Variants in KCNIP4 observed in about 807,000 individuals in gnomAD.
The protein encoded by KCNIP4 is Kv channel-interacting protein 4.
A neutral mutation model predicts 34.0 loss-of-function variants in KCNIP4; 12 were observed. That is an observed-to-expected ratio of 0.35 (90% CI 0.23 to 0.57). The LOEUF (loss-of-function observed/expected upper bound fraction) is 0.57. KCNIP4 is among the 20% of genes least tolerant of loss of function. The pLI, the probability that KCNIP4 is intolerant of heterozygous loss-of-function variation, is 0.83. For missense variants in KCNIP4, 238 were observed against 311.7 expected (o/e 0.76, Z 1.78); for synonymous variants, 124 against 102.2 (o/e 1.21, Z -1.29).
intron 1 of KCNIP4, among the ~76,000 whole-genome samples, chr4:21,590,525 T>C (rs1742114445): frequency 6.6e-6 from 1 of 151,460 alleles, no homozygotes; most frequent in Non-Finnish European, 1.5e-5. Context: ...AGGAATCTCA[T>C]ATAAAGAAAG....
rs1197090650 is a variant in KCNIP4 at position 21,342,967 on chromosome 4, G to A, written c.62-460258C>T. Among the ~76,000 whole-genome samples the A allele has an allele frequency of 2.0e-5, 3 of 151,858 alleles. No homozygotes were observed. In the East Asian group the frequency reaches 5.8e-4, roughly 29 times the overall value. ...TATCATGTGTTTTGAATAAAAAACT[G>A]TTCATTTTTTTTTCTGAGCCTTGAG... On this transcript the variant is annotated intron_variant, in intron 1 of 8. Coordinates refer to ENST00000382152, the MANE Select transcript of KCNIP4 (RefSeq NM_025221.6).
chr4:21,643,296 A>T (rs1746749601), intron 1 of KCNIP4, among the ~76,000 whole-genome samples: 1 of 152,194 alleles, frequency 6.6e-6, no homozygotes, highest in South Asian at 2.1e-4. Context: ...GGACATTGAG[A>T]AGAATAATCA....
intron 1 of KCNIP4, among the ~76,000 whole-genome samples, chr4:21,110,418 G>C (rs559685666): frequency 6.6e-6 from 1 of 152,294 alleles, no homozygotes; most frequent in Admixed American, 6.5e-5. Context: ...AAACTTAAAA[G>C]AAAAATACTG....
intron 1 of KCNIP4, among the ~76,000 whole-genome samples, chr4:21,191,116 G>A (rs1276115061): frequency 2.0e-5 from 3 of 152,108 alleles, no homozygotes; most frequent in Non-Finnish European, 2.9e-5. Flanking sequence ...AAGCAACAGG[G>A]TCCAAAAGAG....
At chr4:21,186,561 G>A (rs1195015292) in intron 1 of KCNIP4, among the ~76,000 whole-genome samples, 1 of 152,106 alleles carries the variant, frequency 6.6e-6, no homozygotes, top group Non-Finnish European at 1.5e-5. Context: ...ATTAAAGAAG[G>A]GTTAAGATAA....
intron 1 of KCNIP4, among the ~76,000 whole-genome samples, chr4:20,904,791 C>G (rs78224926): frequency 0.048 from 7,275 of 152,092 alleles, 397 homozygotes; most frequent in African/African-American, 0.13. Flanking sequence ...AATTTGATTT[C>G]CTTTCTGTCT....
At chr4:20,923,332 A>G (rs1256216728) in intron 1 of KCNIP4, among the ~76,000 whole-genome samples, 1 of 152,224 alleles carries the variant, frequency 6.6e-6, no homozygotes, top group East Asian at 1.9e-4. Context: ...AATGAACTCA[A>G]TTATTGTGTC....
chr4:21,213,883 A>C (rs1757392625), intron 1 of KCNIP4, among the ~76,000 whole-genome samples: 1 of 152,112 alleles, frequency 6.6e-6, no homozygotes, highest in Admixed American at 6.6e-5. Context: ...GCCTCAAAAA[A>C]TCCTTGATTT....
At chr4:21,697,082 T>G (rs1444207751) in intron 1 of KCNIP4, among the ~76,000 whole-genome samples, 3 of 151,926 alleles carry the variant, frequency 2.0e-5, no homozygotes, top group African/African-American at 7.2e-5. Flanking sequence ...ATCTTTCTAC[T>G]CTGCAGATAC....
chr4:21,887,325 C>T (rs1726833390), intron 1 of KCNIP4, among the ~76,000 whole-genome samples: 1 of 152,084 alleles, frequency 6.6e-6, no homozygotes, highest in South Asian at 2.1e-4. Context: ...TGGCCATATT[C>T]TGGTTGTATC....
chr4:21,016,836 T>C (rs549830906), intron 1 of KCNIP4, among the ~76,000 whole-genome samples: 1 of 152,266 alleles, frequency 6.6e-6, no homozygotes, highest in South Asian at 2.1e-4. Context: ...CAGCTATTTT[T>C]ACAAATGTAA....
chr4:21,769,626 T>C (rs1340825440), intron 1 of KCNIP4, among the ~76,000 whole-genome samples: 2 of 152,148 alleles, frequency 1.3e-5, no homozygotes, highest in East Asian at 3.9e-4. Context: ...GGCAGTTCAC[T>C]AAGTTGCCTG....
chr4:21,866,090 T>G (rs1578088079), intron 1 of KCNIP4, among the ~76,000 whole-genome samples: 1 of 152,168 alleles, frequency 6.6e-6, no homozygotes, highest in East Asian at 1.9e-4. Context: ...ACGGCTGCAC[T>G]GTGGATTTAA....
At chr4:21,510,078 C>CAAAAAAAAAAA (rs759477091) in intron 1 of KCNIP4, among the ~76,000 whole-genome samples, 2 of 65,222 alleles carry the variant, frequency 3.1e-5, no homozygotes, top group African/African-American at 6.1e-5. Context: ...ACTCCATCTC[C>CAAAAAAAAAAA]AAAAAAAAAA....
At chr4:20,796,811 C>T (rs926690124) in intron 3 of KCNIP4, among the ~76,000 whole-genome samples, 2 of 151,950 alleles carry the variant, frequency 1.3e-5, no homozygotes, top group African/African-American at 4.8e-5. Flanking sequence ...AAACAGATTC[C>T]ATCATAGGTT....
intron 1 of KCNIP4, among the ~76,000 whole-genome samples, chr4:20,966,446 T>C (rs1734355867): frequency 6.6e-6 from 1 of 152,120 alleles, no homozygotes; most frequent in South Asian, 2.1e-4. Flanking sequence ...TCACTTACCA[T>C]AGAGATTTAG....
At chr4:21,029,587 C>T (rs907694060) in intron 1 of KCNIP4, among the ~76,000 whole-genome samples, 1 of 152,140 alleles carries the variant, frequency 6.6e-6, no homozygotes, top group Middle Eastern at 3.2e-3. Flanking sequence ...TGCTTTCTGT[C>T]CTGTAAAGTC....
intron 1 of KCNIP4, among the ~76,000 whole-genome samples, chr4:21,639,690 T>C (rs1384744492): frequency 2.0e-5 from 3 of 152,212 alleles, no homozygotes; most frequent in Non-Finnish European, 2.9e-5. Context: ...TATTCCATTA[T>C]AGATAGATAG....
At chr4:20,898,946 A>C (rs1726861493) in intron 1 of KCNIP4, among the ~76,000 whole-genome samples, 2 of 152,158 alleles carry the variant, frequency 1.3e-5, no homozygotes, top group Non-Finnish European at 2.9e-5. Context: ...ACTTGACCCA[A>C]ATACCTCAGA....
Sources: gnomAD v4.1 joint callset for allele counts (sites outside exome capture counted in the v4.1 genomes callset) on GRCh38, gnomAD v4.1.1 for gene constraint, MANE v1.5 for transcripts, NCBI Gene and HGNC (gene_info 2026-07-23, HGNC 2026-07-21) for gene names.